Variants in NYAP2 observed in about 807,000 individuals in gnomAD.
The protein encoded by NYAP2 is neuronal tyrosine-phosphorylated phosphoinositide-3-kinase adaptor 2.
In NYAP2, 23 loss-of-function variants were observed where a neutral mutation model predicts 50.4. The ratio of observed to expected loss-of-function variants is 0.46; its 90% confidence interval spans 0.33 to 0.65. The LOEUF is 0.65. Among genes scored for constraint, NYAP2 ranks in the 30% least tolerant of loss-of-function variants. The pLI is 0.02. For missense variants in NYAP2, 885 were observed against 861.0 expected, an observed-to-expected ratio of 1.03 and a Z score of -0.35; for synonymous variants, 394 against 365.2, an observed-to-expected ratio of 1.08 and a Z score of -0.90.
At chr2:225,435,695 A>C (rs975856018) in intron 3 of NYAP2, among the ~76,000 whole-genome samples, 22 of 152,220 alleles carry the variant, frequency 1.4e-4, no homozygotes, top group African/African-American at 5.1e-4. Context: ...TGAAGGGATG[A>C]ATTTATATTA....
chr2:225,405,201 A>G (rs966726970), intron 2 of NYAP2, among the ~76,000 whole-genome samples: 7 of 152,006 alleles, frequency 4.6e-5, no homozygotes, highest in African/African-American at 1.7e-4. Flanking sequence ...GAAAAGCCAG[A>G]GTTCCACCTT....
At position 225,557,601 on chromosome 2, in the gene NYAP2, T is replaced by C. The variant is rs553171270; in HGVS notation, c.524-24340T>C. ...AACTATATAGAGGAAGGAGCAACAT[T>C]AAATAGTTGGTGAGGGAGAACCTTT... On this transcript the variant is annotated intron_variant, in intron 4 of 6. Transcript: ENST00000636099. Among the ~76,000 whole-genome samples, 9 of 152,278 alleles carry C rather than the reference T, an allele frequency of 5.9e-5. No homozygotes were observed. In the South Asian group the frequency reaches 1.9e-3, roughly 32 times the overall value.
At chr2:225,632,005 A>G (rs963729273) in intron 6 of NYAP2, among the ~76,000 whole-genome samples, 3 of 152,074 alleles carry the variant, frequency 2.0e-5, no homozygotes. Context: ...TTTAGTAGAG[A>G]CGGGGTTTCA....
chr2:225,627,780 A>G (rs1447635205), intron 6 of NYAP2, among the ~76,000 whole-genome samples: 1 of 152,240 alleles, frequency 6.6e-6, no homozygotes, highest in African/African-American at 2.4e-5. Flanking sequence ...TCAACTTTTT[A>G]AAAAACAGCA....
intron 3 of NYAP2, among the ~76,000 whole-genome samples, chr2:225,512,984 G>A (rs1333892946): frequency 6.6e-6 from 1 of 151,406 alleles, no homozygotes. Context: ...ATATTAAGCA[G>A]ATAAAAGCAG....
At chr2:225,623,680 C>A (rs1693162412) in intron 5 of NYAP2, among the ~76,000 whole-genome samples, 1 of 152,074 alleles carries the variant, frequency 6.6e-6, no homozygotes, top group Non-Finnish European at 1.5e-5. Flanking sequence ...CCAAGTTCGA[C>A]CAAAGCAAAA....
At chr2:225,568,049 G>A (rs972804204) in intron 4 of NYAP2, among the ~76,000 whole-genome samples, 1 of 152,034 alleles carries the variant, frequency 6.6e-6, no homozygotes. Flanking sequence ...TCTTTCAAAT[G>A]GTCTTGCTAT....
At chr2:225,631,798 G>A (rs747376349) in intron 6 of NYAP2, among the ~76,000 whole-genome samples, 5 of 152,130 alleles carry the variant, frequency 3.3e-5, no homozygotes, top group Admixed American at 6.6e-5. Flanking sequence ...ACCTTTGGTA[G>A]TGTTTTGCTT....
At chr2:225,604,235 A>G (rs2106243623) in intron 5 of NYAP2, among the ~76,000 whole-genome samples, 1 of 152,286 alleles carries the variant, frequency 6.6e-6, no homozygotes, top group East Asian at 1.9e-4. Flanking sequence ...CTGAAAACAT[A>G]GGAAACAAAA....
At chr2:225,417,523 A>G (rs1346475534) in intron 3 of NYAP2, among the ~76,000 whole-genome samples, 100 of 152,158 alleles carry the variant, frequency 6.6e-4, no homozygotes, top group Non-Finnish European at 5.9e-5. Context: ...AGCAGAAAAA[A>G]AGATCACTTA....
At chr2:225,519,399 T>A (rs1416562811) in intron 4 of NYAP2, among the ~76,000 whole-genome samples, 1 of 150,660 alleles carries the variant, frequency 6.6e-6, no homozygotes, top group Non-Finnish European at 1.5e-5. Flanking sequence ...ATTAGGTATA[T>A]CTCCTAAAGC....
intron 3 of NYAP2, among the ~76,000 whole-genome samples, chr2:225,424,760 G>T (rs1695261868): frequency 6.6e-6 from 1 of 151,924 alleles, no homozygotes; most frequent in African/African-American, 2.4e-5. Flanking sequence ...GCAATATGTG[G>T]ATATAAATTC....
chr2:225,672,085 C>T, the NYAP2 span, among the ~76,000 whole-genome samples: 1 of 151,962 alleles, frequency 6.6e-6, no homozygotes, highest in African/African-American at 2.4e-5. Flanking sequence ...TTGGCTTCAA[C>T]TTAAAGTCAC....
chr2:225,598,608 T>G (rs897013774), intron 5 of NYAP2, among the ~76,000 whole-genome samples: 3 of 152,210 alleles, frequency 2.0e-5, no homozygotes, highest in African/African-American at 7.2e-5. Flanking sequence ...AATGTTATTT[T>G]AAAACATGTG....
chr2:225,688,397 A>C, the NYAP2 span, among the ~76,000 whole-genome samples: 1 of 152,162 alleles, frequency 6.6e-6, no homozygotes. Flanking sequence ...AGTGTGATCC[A>C]TTTGTTTATT....
chr2:225,622,586 CTT>C (rs1352919888), intron 5 of NYAP2, among the ~76,000 whole-genome samples: 2 of 103,602 alleles, frequency 1.9e-5, no homozygotes. Context: ...TTTCTTCTTT[CTT>C]TTTTTTTTTT....
the NYAP2 span, among the ~76,000 whole-genome samples, chr2:225,659,227 G>A: frequency 6.6e-6 from 1 of 152,178 alleles, no homozygotes; most frequent in Non-Finnish European, 1.5e-5. Context: ...TCCGAGGTCA[G>A]AGTTATCAAC....
the NYAP2 span, among the ~76,000 whole-genome samples, chr2:225,674,863 G>A: frequency 6.6e-6 from 1 of 152,048 alleles, no homozygotes; most frequent in Admixed American, 6.6e-5. Flanking sequence ...CAGGGAATTT[G>A]AAAAGGGGGT....
chr2:225,585,875 C>T (rs1255255843), intron 5 of NYAP2, among the ~76,000 whole-genome samples: 1 of 152,198 alleles, frequency 6.6e-6, no homozygotes, highest in East Asian at 1.9e-4. Flanking sequence ...TTGCAGTACA[C>T]TCATGGATAC....
Sources: allele counts gnomAD v4.1 joint callset (sites outside exome capture counted in the v4.1 genomes callset), GRCh38; gene constraint gnomAD v4.1.1; transcripts MANE v1.5; gene names NCBI Gene and HGNC (gene_info 2026-07-23, HGNC 2026-07-21).